The following VPS18 variants were observed in gnomAD, a reference collection of about 807,000 sequenced individuals.
VPS18 encodes the protein vacuolar protein sorting-associated protein 18 homolog.
Under a neutral mutation model 82.0 loss-of-function variants are expected in VPS18, and 25 were observed. The observed-to-expected ratio is 0.30, with a 90% CI of 0.22 to 0.43. The LOEUF (loss-of-function observed/expected upper bound fraction) is 0.43, where lower values mean the gene tolerates loss of function less well. Ranked by LOEUF, VPS18 falls within the 20% of genes least tolerant of loss-of-function variation. VPS18 has a pLI of 1.00. For synonymous variants in VPS18, 523 were observed against 543.0 expected (o/e 0.96, Z 0.51); for missense variants, 1,168 against 1,311.1 (o/e 0.89, Z 1.69).
chr15:40,897,494 T>C (rs1892249821), intron 2 of VPS18, among the ~76,000 whole-genome samples: 1 of 152,186 alleles, frequency 6.6e-6, no homozygotes, highest in South Asian at 2.1e-4. Flanking sequence ...ATTTATGTTA[T>C]GAGTATGAAA....
intron 2 of VPS18, among the ~76,000 whole-genome samples, chr15:40,896,992 G>A (rs1279353525): frequency 6.6e-6 from 1 of 151,946 alleles, no homozygotes; most frequent in African/African-American, 2.4e-5. Flanking sequence ...TAATGCAGTT[G>A]TTTAAAAAAA....
Position 40,899,169 on chromosome 15 carries a change from C to T in VPS18, c.351C>T (p.Ser117=). ...HTGSHLLIAL[S]STEVLYVNRN... ...GCTCTCACCTGCTGATTGCCCTGAG[C>T]AGCACGGAGGTCCTCTACGTGAACC... Residue 117 remains serine (S), a synonymous_variant, in exon 4 of 5, where the codon AGC becomes AGT. Coordinates refer to ENST00000220509, the MANE Select transcript of VPS18 (RefSeq NM_020857.3). The surrounding 1 kb of genome is among the most constrained non-coding windows in gnomAD (Gnocchi z 4.4). The T allele has an allele frequency of 6.2e-7, 1 of 1,613,910 alleles. No individual in the cohort carries two copies. The highest frequency in any genetic ancestry group is 8.5e-7 in the Non-Finnish European group (1 of 1,179,848).
chr15:40,902,553 C>A lies in VPS18; in HGVS notation c.2197-63C>A. 1 of 1,549,470 alleles carries A rather than the reference C, an allele frequency of 6.5e-7. No homozygotes were observed. The highest frequency in any genetic ancestry group is 1.2e-5 in the South Asian group (1 of 80,658). ...GGGGCCTCTCCTCGGCCATCTCTCTCTCCCATAGTCTCCATGTTGGGCAGG... is the reference window on the plus strand; with the variant it reads ...GGGGCCTCTCCTCGGCCATCTCTCTATCCCATAGTCTCCATGTTGGGCAGG... On this transcript the variant is annotated intron_variant, in intron 4 of 4. Coordinates refer to ENST00000220509, the MANE Select transcript of VPS18 (RefSeq NM_020857.3). This position sits in a 1 kb window ranked among gnomAD's most constrained non-coding sequence, Gnocchi z 4.2.
intron 4 of VPS18, 94 bp downstream of exon 4, chr15:40,901,108 G>C: frequency 7.2e-7 from 1 of 1,380,580 alleles, no homozygotes; most frequent in African/African-American, 1.4e-5. Flanking sequence ...GCTAGAGGGT[G>C]CTGGCTTCCC....
Position 40,900,148 on chromosome 15 carries a change from C to T in VPS18, c.1330C>T (p.Arg444Cys), listed in dbSNP as rs748616795. 26 of 1,613,668 alleles carry T rather than the reference C, an allele frequency of 1.6e-5. No individual in the cohort carries two copies. The highest frequency in any genetic ancestry group is 1.6e-4 in the Middle Eastern group (1 of 6,084). Residue 444 changes from arginine (R) to cysteine (C), a missense_variant, in exon 4 of 5, where the codon CGC becomes TGC. Around this residue, in one of 3 missense-constraint regions of VPS18, gnomAD observed 868 missense variants for 939.8 expected, o/e 0.92. Transcript: ENST00000220509. The surrounding 1 kb of genome is among the most constrained non-coding windows in gnomAD (Gnocchi z 5.4). ...FRQRRYLESA[R>C]CYALTQSYFE... The stretch of plus-strand genomic sequence containing the variant: ...CCAGCGTCGCTACCTGGAGAGCGCA[C>T]GCTGCTATGCCCTGACCCAGAGCTA...
chr15:40,900,283 A>G lies in VPS18; in HGVS notation c.1465A>G (p.Thr489Ala), dbSNP rs1027728411. 1.2e-6 allele frequency: 2 copies of G among 1,613,758 alleles called. No individual in the cohort carries two copies. The highest frequency in any genetic ancestry group is 2.2e-5 in the East Asian group (1 of 44,874). The change falls in exon 4 of 5, where the codon ACA becomes GCA. Residue 489 changes from threonine (T) to alanine (A), a missense_variant. By Grantham distance (58) the Thr-to-Ala change is moderately conservative (BLOSUM62 0). Transcript: ENST00000220509. The surrounding 1 kb of genome is among the most constrained non-coding windows in gnomAD (Gnocchi z 5.4). ...SLKPAERTQA[T>A]LLTTWLTELY... is the part of the protein sequence containing the mutation. The stretch of plus-strand genomic sequence containing the variant: ...GAAGCCAGCCGAACGTACCCAGGCC[A>G]CACTGCTGACCACCTGGCTGACAGA...
At chr15:40,896,194 C>T (rs1892226866) in intron 2 of VPS18, 115 bp downstream of exon 2, 2 of 1,430,932 alleles carry the variant, frequency 1.4e-6, no homozygotes, top group Non-Finnish European at 1.9e-6. Flanking sequence ...TTGGAGTTTT[C>T]AGGAAATATC....
chr15:40,900,814 T>G lies in VPS18; in HGVS notation c.1996T>G (p.Tyr666Asp), dbSNP rs775870307. ...GGAGACTGAGCAGGCCATCCACAACTACCTGCTGTCACTGTATGCCCGTGG... is the reference window on the plus strand; with the variant it reads ...GGAGACTGAGCAGGCCATCCACAACGACCTGCTGTCACTGTATGCCCGTGG... Reference protein sequence around the residue: ...LGETEQAIHNYLLSLYARGRP... With the variant: ...LGETEQAIHNDLLSLYARGRP... The change falls in exon 4 of 5, where the codon TAC becomes GAC. Residue 666 changes from tyrosine to aspartate, a missense_variant. Physicochemically the swap from Tyr to Asp is radical, Grantham distance 160. Transcript: ENST00000220509. The surrounding 1 kb of genome is among the most constrained non-coding windows in gnomAD (Gnocchi z 5.4). The G allele has an allele frequency of 6.2e-7, 1 of 1,614,192 alleles. No individual in the cohort carries two copies. Among genetic ancestry groups the G allele is most frequent in the Admixed American group, 1.7e-5 (1 of 60,032 alleles).
chr15:40,895,821 C>A, intron 1 of VPS18, 117 bp from the exon 2 acceptor site: 1 of 1,410,954 alleles, frequency 7.1e-7, no homozygotes, highest in Admixed American at 1.9e-5. Context: ...AACCAAGGTC[C>A]TGGGGATAGG....
intron 2 of VPS18, chr15:40,898,639 T>G: frequency 2.1e-6 from 1 of 473,276 alleles, no homozygotes; most frequent in Non-Finnish European, 3.9e-6. Context: ...CCTTGCTAAT[T>G]TTCTTGTATT....
chr15:40,896,668 G>A (rs145729399), intron 2 of VPS18, among the ~76,000 whole-genome samples: 5,785 of 151,822 alleles, frequency 0.038, 170 homozygotes, highest in East Asian at 0.094. Flanking sequence ...AAAGTTAGCC[G>A]GGCGTGGTGG....
At position 40,902,466 on chromosome 15, in the gene VPS18, T is replaced by C; in HGVS notation, c.2197-150T>C. The stretch of plus-strand genomic sequence containing the variant: ...TTGGAGCCCTACTACTCTAAGTAGC[T>C]TTTACATAGCTGTGGCAGCGGCAGG... On this transcript the variant is annotated intron_variant, in intron 4 of 4. Coordinates refer to ENST00000220509, the MANE Select transcript of VPS18 (RefSeq NM_020857.3). The surrounding 1 kb of genome is among the most constrained non-coding windows in gnomAD (Gnocchi z 4.2). The C allele has an allele frequency of 2.7e-6, 3 of 1,126,732 alleles. No homozygotes were observed. The highest frequency in any genetic ancestry group is 3.7e-6 in the Non-Finnish European group (3 of 816,328). 69.8% of individuals were successfully genotyped at this position (1,126,732 alleles called of 1,614,324 possible).
Position 40,903,159 on chromosome 15 carries a change from C to CG in VPS18, c.2743dup (p.Ala915GlyfsTer21). On this transcript the variant is annotated frameshift_variant, in exon 5 of 5. Coordinates refer to ENST00000220509, the MANE Select transcript of VPS18 (RefSeq NM_020857.3). LOFTEE classifies it high-confidence loss of function. ...TCCACCCCCAGCCAAGGGCTCTGCC[C>CG]GGGCCAAGGAGGCCGAGGGTGGGGC... The CG allele has an allele frequency of 1.9e-6, 3 of 1,605,690 alleles. No homozygotes were observed. The highest frequency in any genetic ancestry group is 1.3e-5 in the African/African-American group (1 of 74,862).
At position 40,899,163 on chromosome 15, in the gene VPS18, C is replaced by A; in HGVS notation, c.345C>A (p.Ala115=). 6.2e-7 allele frequency: 1 copy of A among 1,613,702 alleles called. No individual in the cohort carries two copies. The highest frequency in any genetic ancestry group is 1.1e-5 in the South Asian group (1 of 91,058). ...LDHTGSHLLI[A]LSSTEVLYVN... is the part of the protein sequence containing the mutation. ...CTCCAGGCTCTCACCTGCTGATTGC[C>A]CTGAGCAGCACGGAGGTCCTCTACG... The change falls in exon 4 of 5, where the codon GCC becomes GCA. Residue 115 remains alanine, a synonymous_variant. Transcript: ENST00000220509. This position sits in a 1 kb window ranked among gnomAD's most constrained non-coding sequence, Gnocchi z 4.4.
intron 2 of VPS18, among the ~76,000 whole-genome samples, chr15:40,896,386 T>G (rs1453516957): frequency 6.6e-6 from 1 of 151,818 alleles, no homozygotes; most frequent in Non-Finnish European, 1.5e-5. Context: ...CCAAAACAAA[T>G]TTTTAAAAAT....
intron 4 of VPS18, among the ~76,000 whole-genome samples, chr15:40,901,338 C>G (rs1332565818): frequency 6.6e-6 from 1 of 152,214 alleles, no homozygotes; most frequent in Non-Finnish European, 1.5e-5. Context: ...TGGCTTGCGC[C>G]AGCACTTTGG....
Position 40,898,018 on chromosome 15 carries a change from G to C in VPS18, c.234-889G>C, listed in dbSNP as rs149531832. ...GTCTTGCTCTGTCACCCAGGCTGGA[G>C]TGCAGTGCCTCGATCTCGGCTTACT... On this transcript the variant is annotated intron_variant, in intron 2 of 4. Transcript: ENST00000220509. Among the ~76,000 whole-genome samples, 20 of 152,290 alleles carry C rather than the reference G, an allele frequency of 1.3e-4. 1 individual carries two copies. The East Asian group carries it at 3.9e-3, about 29-fold the overall frequency.
intron 2 of VPS18, among the ~76,000 whole-genome samples, chr15:40,898,473 C>CTTTTTTT (rs1354455179): frequency 7.3e-6 from 1 of 136,738 alleles, no homozygotes. Flanking sequence ...TCAGCAATTT[C>CTTTTTTT]TTTTTTTTTT....
rs915838208 is a variant in VPS18 at position 40,899,273 on chromosome 15, G to C, written c.455G>C (p.Gly152Ala). 1.2e-6 allele frequency: 2 copies of C among 1,614,124 alleles called. No homozygotes were observed. Among genetic ancestry groups the C allele is most frequent in the African/African-American group, 2.7e-5 (2 of 74,948 alleles). ...VESVGWNKAL[G>A]TESSTGPILV... is the part of the protein sequence containing the mutation. ...AGTGTGGGTTGGAACAAGGCACTGG[G>C]CACGGAGAGCAGCACAGGCCCCATC... The change falls in exon 4 of 5, where the codon GGC becomes GCC. Residue 152 changes from glycine to alanine, a missense_variant. Physicochemically the swap from Gly to Ala is moderately conservative, Grantham distance 60 (BLOSUM62 0). This residue lies in a region of VPS18 where 868 missense variants were observed against 939.8 expected (regional missense o/e 0.92). Transcript: ENST00000220509. The surrounding 1 kb of genome is among the most constrained non-coding windows in gnomAD (Gnocchi z 4.4).
Sources: gnomAD v4.1 joint callset for allele counts (sites outside exome capture counted in the v4.1 genomes callset) on GRCh38, gnomAD v4.1.1 for gene constraint, gnomAD v4.1.1 regional missense constraint, Gnocchi (gnomAD v3.1) non-coding constraint, MANE v1.5 for transcripts, NCBI Gene and HGNC (gene_info 2026-07-23, HGNC 2026-07-21) for gene names.